LCLAT1: variants seen among roughly 807,000 people sequenced by gnomAD.
The protein encoded by LCLAT1 is lysocardiolipin acyltransferase 1.
In LCLAT1, 11 loss-of-function variants were observed where a neutral mutation model predicts 30.7. That is an observed-to-expected ratio of 0.36 (90% CI 0.23 to 0.59). LCLAT1 has a LOEUF of 0.59. LCLAT1 is among the 20% of genes least tolerant of loss of function. LCLAT1 has a pLI of 0.77. For synonymous variants in LCLAT1, 155 were observed against 151.3 expected (o/e 1.02, Z -0.18); for missense variants, 402 against 458.6 (o/e 0.88, Z 1.13).
chr2:30,530,860 A>G (rs1232893445), intron 2 of LCLAT1, among the ~76,000 whole-genome samples: 1 of 152,096 alleles, frequency 6.6e-6, no homozygotes, highest in African/African-American at 2.4e-5. Flanking sequence ...TGGATTTTTT[A>G]TGTTATTTTT....
intron 1 of LCLAT1, among the ~76,000 whole-genome samples, chr2:30,481,990 T>C (rs1385055098): frequency 1.3e-5 from 2 of 152,214 alleles, no homozygotes; most frequent in African/African-American, 4.8e-5. Context: ...CTTCCATGTA[T>C]AGTAAAGCTG....
At chr2:30,628,575 G>C (rs559491697) in intron 5 of LCLAT1, among the ~76,000 whole-genome samples, 1 of 152,252 alleles carries the variant, frequency 6.6e-6, no homozygotes, top group South Asian at 2.1e-4. Context: ...AATACTCACA[G>C]ATCAGTGGAG....
intron 3 of LCLAT1, among the ~76,000 whole-genome samples, chr2:30,545,977 A>C (rs369365863): frequency 1.3e-5 from 2 of 152,310 alleles, no homozygotes; most frequent in East Asian, 3.9e-4. Flanking sequence ...AATTTTCCTG[A>C]TATGACCTCA....
intron 1 of LCLAT1, among the ~76,000 whole-genome samples, chr2:30,506,772 T>A (rs547246129): frequency 6.6e-6 from 1 of 152,274 alleles, no homozygotes; most frequent in African/African-American, 2.4e-5. Context: ...TTGCATACAC[T>A]CTTTAACAGC....
At chr2:30,608,990 T>C (rs992252078) in intron 5 of LCLAT1, among the ~76,000 whole-genome samples, 4 of 152,192 alleles carry the variant, frequency 2.6e-5, no homozygotes, top group Non-Finnish European at 5.9e-5. Context: ...TCCAGCTTTC[T>C]ACTCTTTGCC....
At chr2:30,501,648 C>G (rs1255156169) in intron 1 of LCLAT1, among the ~76,000 whole-genome samples, 1 of 152,054 alleles carries the variant, frequency 6.6e-6, no homozygotes, top group African/African-American at 2.4e-5. Flanking sequence ...GCCCTCCAAC[C>G]TGGGTGACAG....
chr2:30,481,886 C>A (rs1683340917), intron 1 of LCLAT1, among the ~76,000 whole-genome samples: 1 of 152,152 alleles, frequency 6.6e-6, no homozygotes, highest in Admixed American at 6.6e-5. Context: ...CCATAAATGG[C>A]TGTAGGAACT....
chr2:30,627,338 T>TC (rs1026641327), intron 5 of LCLAT1, among the ~76,000 whole-genome samples: 1 of 152,060 alleles, frequency 6.6e-6, no homozygotes, highest in African/African-American at 2.4e-5. Context: ...TATACCCTGG[T>TC]CCCCTTCCCC....
At chr2:30,549,038 TTC>T (rs553530757) in intron 3 of LCLAT1, among the ~76,000 whole-genome samples, 15 of 152,352 alleles carry the variant, frequency 9.8e-5, no homozygotes, top group Admixed American at 2.6e-4. Flanking sequence ...TTACCTTTCT[TTC>T]TAGAATGACA....
intron 1 of LCLAT1, among the ~76,000 whole-genome samples, chr2:30,491,309 A>C (rs1391155289): frequency 6.6e-6 from 1 of 152,228 alleles, no homozygotes; most frequent in Admixed American, 6.5e-5. Flanking sequence ...ATATTTATTG[A>C]GCACTTACAT....
At chr2:30,543,335 A>G (rs1664243638) in intron 3 of LCLAT1, among the ~76,000 whole-genome samples, 1 of 152,070 alleles carries the variant, frequency 6.6e-6, no homozygotes, top group African/African-American at 2.4e-5. Context: ...TTTTTAATGT[A>G]TTTTTGGATT....
chr2:30,536,710 A>G (rs1268723318), intron 3 of LCLAT1, among the ~76,000 whole-genome samples: 1 of 152,212 alleles, frequency 6.6e-6, no homozygotes, highest in African/African-American at 2.4e-5. Context: ...TAGAACAGAT[A>G]TATAGATGAA....
Position 30,632,720 on chromosome 2 carries a change from T to C in LCLAT1, c.629-7397T>C, listed in dbSNP as rs531340725. Among the ~76,000 whole-genome samples the C allele has an allele frequency of 2.0e-5, 3 of 152,338 alleles. No homozygotes were observed. In the East Asian group the frequency reaches 5.8e-4, roughly 29 times the overall value. ...ACTGTAAAGTCCATATCCCATTTGC[T>C]CTTCACAAAACCCTACGAGGGTAGG... On this transcript the variant is annotated intron_variant, in intron 5 of 5. Transcript: ENST00000379509.
chr2:30,449,689 G>C (rs982203628), intron 1 of LCLAT1, among the ~76,000 whole-genome samples: 1 of 151,938 alleles, frequency 6.6e-6, no homozygotes, highest in Non-Finnish European at 1.5e-5. Context: ...TAGTAGAGAC[G>C]GGGTTTCTCT....
intron 5 of LCLAT1, among the ~76,000 whole-genome samples, chr2:30,610,343 C>G (rs76983776): frequency 0.015 from 2,215 of 152,068 alleles, 58 homozygotes; most frequent in African/African-American, 0.05. Flanking sequence ...GAAACAAATT[C>G]TTTTTGTGGA....
intron 1 of LCLAT1, among the ~76,000 whole-genome samples, chr2:30,504,080 A>ATGTGTG (rs1684534396): frequency 1.4e-5 from 1 of 73,482 alleles, no homozygotes; most frequent in Non-Finnish European, 3.5e-5. Flanking sequence ...TAAGGGACTT[A>ATGTGTG]CGTGTGTGTG....
At chr2:30,525,511 T>C (rs1685670023) in intron 1 of LCLAT1, 76 bp from the exon 2 acceptor site, 1 of 1,123,322 alleles carries the variant, frequency 8.9e-7, no homozygotes, top group Non-Finnish European at 1.3e-6. Context: ...GATCATTCTA[T>C]GCTCCATCAT....
intron 5 of LCLAT1, among the ~76,000 whole-genome samples, chr2:30,620,803 A>G (rs1170851129): frequency 1.3e-5 from 2 of 152,156 alleles, no homozygotes; most frequent in Non-Finnish European, 2.9e-5. Flanking sequence ...ATAGTTCTGG[A>G]GACTAGAAAT....
At chr2:30,534,016 C>G (rs1457160445) in intron 3 of LCLAT1, among the ~76,000 whole-genome samples, 1 of 152,118 alleles carries the variant, frequency 6.6e-6, no homozygotes, top group Non-Finnish European at 1.5e-5. Context: ...GAAGTACCCA[C>G]TATATCCTCC....
Sources: allele counts gnomAD v4.1 joint callset (sites outside exome capture counted in the v4.1 genomes callset), GRCh38; gene constraint gnomAD v4.1.1; transcripts MANE v1.5; gene names NCBI Gene and HGNC (gene_info 2026-07-23, HGNC 2026-07-21).